GFRA1: variants seen among roughly 807,000 people sequenced by gnomAD.
The protein encoded by GFRA1 is GDNF family receptor alpha 1.
In GFRA1, 16 loss-of-function variants were observed where a neutral mutation model predicts 51.6. The ratio of observed to expected loss-of-function variants is 0.31; its 90% CI spans 0.21 to 0.47. The LOEUF (loss-of-function observed/expected upper bound fraction) is 0.47, where lower values mean the gene tolerates loss of function less well. Ranked by LOEUF, GFRA1 falls within the 20% of genes least tolerant of loss-of-function variation. The probability of loss-of-function intolerance (pLI) is 1.00; values close to 1 mark genes in which losing one functional copy is unlikely to be tolerated. For missense variants in GFRA1, 530 were observed against 594.3 expected (o/e 0.89, Z 1.13); for synonymous variants, 270 against 241.3 (o/e 1.12, Z -1.10).
chr10:116,257,490 C>A (rs993421702), intron 4 of GFRA1, among the ~76,000 whole-genome samples: 11 of 152,162 alleles, frequency 7.2e-5, no homozygotes, highest in African/African-American at 2.4e-4. Flanking sequence ...ACTTGACCCA[C>A]ACTTGCTCTT....
At chr10:116,125,614 T>C (rs945660397) in intron 5 of GFRA1, 57 bp from the exon 6 acceptor site, 31 of 1,342,698 alleles carry the variant, frequency 2.3e-5, no homozygotes, top group Non-Finnish European at 3.1e-5. Context: ...TGTTCTCACC[T>C]ACTCTGTTTT....
intron 5 of GFRA1, among the ~76,000 whole-genome samples, chr10:116,148,056 A>ATGTGTGTGCATGCGTGTGTGCATGCATG (rs1555158852): frequency 1.5e-5 from 2 of 136,424 alleles, no homozygotes; most frequent in Non-Finnish European, 3.1e-5. Flanking sequence ...GTGTGCATGC[A>ATGTGTGTGCATGCGTGTGTGCATGCATG]TGTGTGCATG....
intron 5 of GFRA1, among the ~76,000 whole-genome samples, chr10:116,179,811 G>A (rs77589485): frequency 2.0e-5 from 3 of 152,192 alleles, no homozygotes; most frequent in Non-Finnish European, 2.9e-5. Context: ...AATCAGCAGG[G>A]CTTTGGAAGC....
intron 5 of GFRA1, among the ~76,000 whole-genome samples, chr10:116,169,504 C>T (rs1275863566): frequency 1.3e-5 from 2 of 152,184 alleles, no homozygotes; most frequent in East Asian, 1.9e-4. Flanking sequence ...ATCCAAAGCT[C>T]CACTGGCAGA....
At chr10:116,271,914 G>A (rs1843973893) in intron 2 of GFRA1, 76 bp downstream of exon 2, 1 of 1,174,342 alleles carries the variant, frequency 8.5e-7, no homozygotes, top group East Asian at 2.5e-5. Context: ...TTGGTGCGGA[G>A]GGCGGGGTGG....
intron 4 of GFRA1, among the ~76,000 whole-genome samples, chr10:116,241,000 T>A (rs191554012): frequency 6.6e-5 from 10 of 152,280 alleles, no homozygotes; most frequent in Admixed American, 2.6e-4. Flanking sequence ...AACCAAATCA[T>A]CTGCTCCAGA....
intron 5 of GFRA1, among the ~76,000 whole-genome samples, chr10:116,170,120 C>G (rs1960883960): frequency 6.6e-6 from 1 of 152,190 alleles, no homozygotes; most frequent in African/African-American, 2.4e-5. Flanking sequence ...AGGGAACTCT[C>G]CTGTCTCAAT....
intron 5 of GFRA1, among the ~76,000 whole-genome samples, chr10:116,184,303 C>T (rs1237227772): frequency 6.6e-6 from 1 of 152,256 alleles, no homozygotes; most frequent in African/African-American, 2.4e-5. Flanking sequence ...TTATGGGCTG[C>T]CCAGGCCAGT....
At chr10:116,242,826 T>C (rs1483485315) in intron 4 of GFRA1, among the ~76,000 whole-genome samples, 1 of 152,208 alleles carries the variant, frequency 6.6e-6, no homozygotes, top group African/African-American at 2.4e-5. Context: ...AATTGGCCCC[T>C]TTTGGCTTCA....
chr10:116,167,930 C>T (rs1311424053), intron 5 of GFRA1, among the ~76,000 whole-genome samples: 2 of 151,960 alleles, frequency 1.3e-5, no homozygotes, highest in Non-Finnish European at 2.9e-5. Context: ...ATATAATGGA[C>T]TTTGGGGACT....
At chr10:116,244,570 C>G (rs1172177155) in intron 4 of GFRA1, among the ~76,000 whole-genome samples, 4 of 149,778 alleles carry the variant, frequency 2.7e-5, no homozygotes, top group Non-Finnish European at 5.9e-5. Context: ...AATATACAGG[C>G]GTTAAAATTT....
intron 9 of GFRA1, among the ~76,000 whole-genome samples, chr10:116,079,502 G>A (rs1357500466): frequency 6.6e-6 from 1 of 151,228 alleles, no homozygotes; most frequent in Non-Finnish European, 1.5e-5. Context: ...GAAAAGGGGG[G>A]TCTCTGAGGC....
chr10:116,105,200 G>A (rs1324338600), intron 6 of GFRA1, among the ~76,000 whole-genome samples: 1 of 152,220 alleles, frequency 6.6e-6, no homozygotes, highest in Non-Finnish European at 1.5e-5. Context: ...ATAACTGCAG[G>A]TGACAAATAT....
intron 5 of GFRA1, among the ~76,000 whole-genome samples, chr10:116,192,535 A>T (rs76769998): frequency 6.6e-6 from 1 of 152,184 alleles, no homozygotes; most frequent in African/African-American, 2.4e-5. Context: ...AGGCAAACAC[A>T]GAGCTCGCTT....
chr10:116,079,882 C>A (rs933822542), intron 9 of GFRA1, among the ~76,000 whole-genome samples: 1 of 152,128 alleles, frequency 6.6e-6, no homozygotes, highest in Non-Finnish European at 1.5e-5. Flanking sequence ...GAAGAAGCAC[C>A]TATCTCCAAA....
chr10:116,183,000 A>G (rs1962379303), intron 5 of GFRA1, among the ~76,000 whole-genome samples: 1 of 152,226 alleles, frequency 6.6e-6, no homozygotes, highest in African/African-American at 2.4e-5. Context: ...AGGCTACCCA[A>G]GGGCCTTCCC....
intron 9 of GFRA1, among the ~76,000 whole-genome samples, 199 bp from the exon 10 acceptor site, chr10:116,065,825 A>G (rs1347861569): frequency 1.3e-5 from 2 of 152,182 alleles, no homozygotes; most frequent in Non-Finnish European, 2.9e-5. Context: ...AATATATATT[A>G]TTTAACCCAA....
chr10:116,210,558 A>C (rs2134439713), intron 5 of GFRA1, among the ~76,000 whole-genome samples: 1 of 152,274 alleles, frequency 6.6e-6, no homozygotes, highest in African/African-American at 2.4e-5. Flanking sequence ...GGGATTTATA[A>C]ATTATTTATA....
chr10:116,269,271 C>T (rs1305563277), intron 4 of GFRA1, among the ~76,000 whole-genome samples: 1 of 152,126 alleles, frequency 6.6e-6, no homozygotes, highest in Admixed American at 6.5e-5. Context: ...AGTCACCTCC[C>T]TCGAACCTCT....
Sources: allele counts gnomAD v4.1 joint callset (sites outside exome capture counted in the v4.1 genomes callset), GRCh38; gene constraint gnomAD v4.1.1; transcripts MANE v1.5; gene names NCBI Gene and HGNC (gene_info 2026-07-23, HGNC 2026-07-21).